Variants in TMEM43 observed in about 807,000 individuals in gnomAD.
TMEM43 encodes arrhythmogenic right ventricular dysplasia 5.
TMEM43 carries 45 observed loss-of-function variants against 49.6 expected under a neutral mutation model. The observed-to-expected ratio is 0.91, with a 90% CI of 0.71 to 1.16. TMEM43 has a LOEUF of 1.16. Ranked by LOEUF, TMEM43 falls within the 50% of genes most tolerant of loss-of-function variation. TMEM43 has a pLI of 0.00. For synonymous variants in TMEM43, 199 were observed against 207.8 expected (o/e 0.96, Z 0.36); for missense variants, 532 against 516.6 (o/e 1.03, Z -0.29).
rs908942505 is a variant in TMEM43, at chr3:14,142,599, G to A, written c.*804G>A. 6.6e-6 allele frequency: 1 copy of A among 152,620 alleles called. No homozygotes were observed. The highest frequency in any genetic ancestry group is 2.4e-5 in the African/African-American group (1 of 41,436). 9.5% of individuals were successfully genotyped at this position (152,620 alleles called of 1,614,324 possible). On this transcript the variant is annotated 3_prime_UTR_variant, in exon 12 of 12. Transcript: ENST00000306077. The stretch of plus-strand genomic sequence containing the variant: ...ACACTTAATATTTCAGACTGTTACA[G>A]GAAACACCCTTTAGTCTGTCAGTTG...
In TMEM43 at chr3:14,141,674, T is replaced by G; in HGVS notation, c.1082T>G (p.Leu361Arg). Residue 361 changes from leucine (L) to arginine (R), a missense_variant, in exon 12 of 12, where the codon CTG becomes CGG. Transcript: ENST00000306077. ...FAFCVATSLT[L>R]LTVAAGWLFY... Reference sequence around the variant, plus strand: ...TTCTGTGTGGCCACCTCGCTGACCCTGCTGACCGTGGCGGCTGGCTGGCTC... The same window carrying G: ...TTCTGTGTGGCCACCTCGCTGACCCGGCTGACCGTGGCGGCTGGCTGGCTC... 1.9e-6 allele frequency: 3 copies of G among 1,614,234 alleles called. No individual in the cohort carries two copies.
rs562436722 is a variant in TMEM43 at position 14,134,754 on chromosome 3, A to G, written c.584-16A>G. The G allele has an allele frequency of 6.2e-6, 10 of 1,613,922 alleles. No homozygotes were observed. Among genetic ancestry groups the G allele is most frequent in the Middle Eastern group, 3.3e-4 (2 of 6,062 alleles). On this transcript the variant is annotated splice_polypyrimidine_tract_variant and intron_variant, in intron 7 of 11. Transcript: ENST00000306077. The stretch of plus-strand genomic sequence containing the variant: ...CACCTGGTCCCCTGGGTTTCTAACC[A>G]CTCTGGTCCCCTCAGGCCTCATCGA...
chr3:14,136,034 C>A (rs746009594), intron 10 of TMEM43, 126 bp downstream of exon 10: 4 of 869,150 alleles, frequency 4.6e-6, no homozygotes, highest in Non-Finnish European at 7.6e-6. Context: ...GAAGAAATAG[C>A]GGAATGTTGA....
At chr3:14,128,645 A>G (rs1695049308) in intron 1 of TMEM43, among the ~76,000 whole-genome samples, 1 of 152,246 alleles carries the variant, frequency 6.6e-6, no homozygotes, top group Admixed American at 6.5e-5. Flanking sequence ...CTGCCCTCAG[A>G]AAGCTCAGCC....
chr3:14,137,935 TCA>T (rs1695191354), intron 10 of TMEM43: 2 of 152,348 alleles, frequency 1.3e-5, no homozygotes, highest in African/African-American at 4.8e-5. Flanking sequence ...ACTTATTCTC[TCA>T]GAGCCTCAGT....
At chr3:14,125,338 G>A (rs1378985357) in intron 1 of TMEM43, 133 bp downstream of exon 1, 1 of 1,117,864 alleles carries the variant, frequency 8.9e-7, no homozygotes, top group Admixed American at 2.0e-5. Context: ...CCCTCTGCTC[G>A]CCGTGTCTGT....
intron 10 of TMEM43, among the ~76,000 whole-genome samples, chr3:14,138,426 T>C (rs1015927845): frequency 1.3e-5 from 2 of 152,022 alleles, no homozygotes; most frequent in African/African-American, 4.8e-5. Flanking sequence ...CGGGAATATG[T>C]GGCCTGGACT....
Position 14,134,845 on chromosome 3 carries a change from G to T in TMEM43, c.659G>T (p.Arg220Leu), listed in dbSNP as rs570836197. ...GAGGACCCTCATGTGGACATCATTC[G>T]CCGTGGAGACTTTTTCTACCACAGC... The part of the protein sequence containing the change: ...KLEDPHVDII[R>L]RGDFFYHSEN... Residue 220 changes from arginine (R) to leucine (L), a missense_variant, in exon 8 of 12, where the codon CGC becomes CTC. Arg to Leu is a moderately radical substitution (Grantham distance 102). Transcript: ENST00000306077. 6.2e-7 allele frequency: 1 copy of T among 1,614,164 alleles called. No individual in the cohort carries two copies. The highest frequency in any genetic ancestry group is 8.5e-7 in the Non-Finnish European group (1 of 1,180,026).
chr3:14,132,725 T>G, intron 5 of TMEM43, 130 bp downstream of exon 5: 1 of 1,376,554 alleles, frequency 7.3e-7, no homozygotes, highest in Non-Finnish European at 1.0e-6. Flanking sequence ...GGTGCAAGTC[T>G]TCAGAGCCCT....
At chr3:14,135,968 T>C in intron 10 of TMEM43, 60 bp downstream of exon 10, 1 of 1,417,792 alleles carries the variant, frequency 7.1e-7, no homozygotes, top group Non-Finnish European at 1.0e-6. Flanking sequence ...TTCCTTCCAG[T>C]GGTTATTTAA....
At chr3:14,141,445 C>T (rs914079648) in intron 11 of TMEM43, 148 bp from the exon 12 acceptor site, 10 of 822,886 alleles carry the variant, frequency 1.2e-5, no homozygotes, top group Admixed American at 2.0e-5. Flanking sequence ...GCTTTCAGAA[C>T]GAAGCTCCTT....
intron 11 of TMEM43, among the ~76,000 whole-genome samples, chr3:14,140,524 G>C (rs1301939220): frequency 6.6e-6 from 1 of 152,212 alleles, no homozygotes; most frequent in Non-Finnish European, 1.5e-5. Context: ...AGACTCCACA[G>C]CTAGAGACAG....
rs1172320846 is a variant in TMEM43, at chr3:14,125,182, C to T, written c.-12C>T. 2 of 1,610,026 alleles carry T rather than the reference C, an allele frequency of 1.2e-6. No individual in the cohort carries two copies. The highest frequency in any genetic ancestry group is 2.2e-5 in the East Asian group (1 of 44,772). ...AACAGCGCGAGGCGGCGGCAGCGAGCCGGGTCCCACCATGGCCGCGAATGT... is the reference window on the plus strand; with the variant it reads ...AACAGCGCGAGGCGGCGGCAGCGAGTCGGGTCCCACCATGGCCGCGAATGT... On this transcript the variant is annotated 5_prime_UTR_variant, in exon 1 of 12. Transcript: ENST00000306077.
chr3:14,137,611 C>T (rs1695187136), intron 10 of TMEM43, among the ~76,000 whole-genome samples: 1 of 152,200 alleles, frequency 6.6e-6, no homozygotes, highest in African/African-American at 2.4e-5. Context: ...GTCAGGATGC[C>T]CCGATTCCAG....
intron 10 of TMEM43, among the ~76,000 whole-genome samples, chr3:14,138,293 G>A (rs1212483107): frequency 6.6e-6 from 1 of 152,206 alleles, no homozygotes; most frequent in African/African-American, 2.4e-5. Context: ...TCAGGGCACT[G>A]GCAGCAGGGT....
At position 14,142,680 on chromosome 3, in the gene TMEM43, T is replaced by C. The variant is rs148290121; in HGVS notation, c.*885T>C. 4.6e-5 allele frequency: 7 copies of C among 152,786 alleles called. No individual in the cohort carries two copies. In the East Asian group the frequency reaches 1.2e-3, roughly 25 times the overall value. The allele number at this position is 152,786 out of a possible 1,614,324, so 9.5% of individuals were successfully genotyped here. Reference sequence around the variant, plus strand: ...GGTATGTGGTTTGATTGATAAAAAGTTACCTCTCAGTATTTTGTGTCACTG... The same window carrying C: ...GGTATGTGGTTTGATTGATAAAAAGCTACCTCTCAGTATTTTGTGTCACTG... On this transcript the variant is annotated 3_prime_UTR_variant, in exon 12 of 12. Transcript: ENST00000306077.
chr3:14,129,280 T>C lies in TMEM43; in HGVS notation c.13-132T>C, dbSNP rs567095576. On this transcript the variant is annotated intron_variant, in intron 1 of 11. Coordinates refer to ENST00000306077, the MANE Select transcript of TMEM43 (RefSeq NM_024334.3). ...TGCCAAACTGTACATTGAATATCTGTGTGTTTTTACCACATACAGTTAAAA... is the reference window on the plus strand; with the variant it reads ...TGCCAAACTGTACATTGAATATCTGCGTGTTTTTACCACATACAGTTAAAA... 1.9e-5 allele frequency: 13 copies of C among 695,208 alleles called. No individual in the cohort carries two copies. In the South Asian group the frequency reaches 2.1e-4, roughly 11 times the overall value. The allele number at this position is 695,208 out of a possible 1,614,324, so 43.1% of individuals were successfully genotyped here.
chr3:14,131,636 C>A lies in TMEM43; in HGVS notation c.354C>A (p.His118Gln). ...VHLPAVKLRRHVEMYQWVETE... is the reference protein window; with the variant it reads ...VHLPAVKLRRQVEMYQWVETE... ...TTCCGGCTGTGAAACTGCGGAGGCACGTGGAGATGTACCAATGGGTAGAAA... is the reference window on the plus strand; with the variant it reads ...TTCCGGCTGTGAAACTGCGGAGGCAAGTGGAGATGTACCAATGGGTAGAAA... Residue 118 changes from histidine (H) to glutamine (Q), a missense_variant, in exon 4 of 12, where the codon CAC becomes CAA. His to Gln is a conservative substitution (Grantham distance 24). Coordinates refer to ENST00000306077, the MANE Select transcript of TMEM43 (RefSeq NM_024334.3). 1.2e-6 allele frequency: 2 copies of A among 1,614,102 alleles called. No homozygotes were observed. Among genetic ancestry groups the A allele is most frequent in the Non-Finnish European group, 1.7e-6 (2 of 1,179,990 alleles).
chr3:14,134,238 A>G (rs1695137961), intron 7 of TMEM43, among the ~76,000 whole-genome samples: 2 of 152,172 alleles, frequency 1.3e-5, no homozygotes, highest in Non-Finnish European at 2.9e-5. Context: ...GGCATCCCCC[A>G]TTGACTCCAA....
Sources: gnomAD v4.1 joint callset for allele counts (sites outside exome capture counted in the v4.1 genomes callset) on GRCh38, gnomAD v4.1.1 for gene constraint, MANE v1.5 for transcripts, NCBI Gene and HGNC (gene_info 2026-07-23, HGNC 2026-07-21) for gene names.